Variants in OTULIN observed in about 807,000 individuals in gnomAD.
The protein encoded by OTULIN is OTU deubiquitinase with linear linkage specificity, also known as ubiquitin thioesterase otulin.
Under a neutral mutation model 39.6 loss-of-function variants are expected in OTULIN, and 15 were observed. That is an observed-to-expected ratio of 0.38 (90% CI 0.25 to 0.58). OTULIN has a LOEUF of 0.58. OTULIN is among the 20% of genes least tolerant of loss of function. The pLI is 0.66. For synonymous variants in OTULIN, 156 were observed against 170.3 expected, an observed-to-expected ratio of 0.92 and a Z score of 0.65; for missense variants, 319 against 445.9, an observed-to-expected ratio of 0.72 and a Z score of 2.56.
the OTULIN span, among the ~76,000 whole-genome samples, chr5:14,711,719 C>T: frequency 5.2e-3 from 789 of 152,316 alleles, 2 homozygotes; most frequent in African/African-American, 0.018. Flanking sequence ...GTACAGCATC[C>T]GTCAGTCACC....
the OTULIN span, among the ~76,000 whole-genome samples, chr5:14,713,961 A>G: frequency 6.6e-6 from 1 of 152,236 alleles, no homozygotes; most frequent in Admixed American, 6.5e-5. The surrounding 1 kb of genome is among the most constrained non-coding windows in gnomAD (Gnocchi z 4.4). Context: ...GCTCTTGTCC[A>G]GTCCTGTCCC....
chr5:14,711,949 A>G, the OTULIN span, among the ~76,000 whole-genome samples: 1 of 152,182 alleles, frequency 6.6e-6, no homozygotes, highest in Admixed American at 6.5e-5. Flanking sequence ...CTGTCTGCCA[A>G]CCCCGCTGGT....
chr5:14,680,030 G>A (rs27882), intron 3 of OTULIN, among the ~76,000 whole-genome samples: 143,834 of 152,316 alleles, frequency 0.94, 68,050 homozygotes, highest in African/African-American at 0.99. Context: ...TTATTGGCGT[G>A]ATTGTCTGTT....
chr5:14,700,361 G>A (rs1408999849), downstream of OTULIN, among the ~76,000 whole-genome samples: 1 of 152,192 alleles, frequency 6.6e-6, no homozygotes, highest in Non-Finnish European at 1.5e-5. Flanking sequence ...AAGACCAGAA[G>A]GTTACGGGAG....
At chr5:14,701,171 C>T (rs556979779), downstream of OTULIN, among the ~76,000 whole-genome samples, 8 of 152,316 alleles carry the variant, frequency 5.3e-5, no homozygotes, top group Admixed American at 2.0e-4. Context: ...TTCTTGTCCC[C>T]GGCTCAGGGC....
intron 3 of OTULIN, among the ~76,000 whole-genome samples, chr5:14,680,552 C>G (rs776803973): frequency 2.6e-5 from 4 of 152,170 alleles, no homozygotes; most frequent in Non-Finnish European, 5.9e-5. Context: ...GTGGGCAGTT[C>G]AGTCAGTCTC....
In OTULIN at chr5:14,697,638, G is replaced by A. The variant is rs780529204; in HGVS notation, c.*4590G>A. The A allele has an allele frequency of 5.9e-5, 9 of 152,164 alleles. No homozygotes were observed. The highest frequency in any genetic ancestry group is 1.0e-4 in the Non-Finnish European group (7 of 68,034). The allele number at this position is 152,164 out of a possible 1,614,324, so 9.4% of individuals were successfully genotyped here. The stretch of plus-strand genomic sequence containing the variant: ...TCAATACATCATTTATGATGTGTGT[G>A]TGGTCCCAGACCTCATGGCCACCAG... On this transcript the variant is annotated 3_prime_UTR_variant, in exon 7 of 7. Coordinates refer to ENST00000284274, the MANE Select transcript of OTULIN (RefSeq NM_138348.6).
the OTULIN span, among the ~76,000 whole-genome samples, chr5:14,712,553 G>A: frequency 2.0e-5 from 3 of 152,260 alleles, no homozygotes; most frequent in African/African-American, 7.2e-5. Flanking sequence ...TCGCATGTCT[G>A]CGGGTCATTC....
In OTULIN at chr5:14,680,424, C is replaced by T. The variant is rs142151733; in HGVS notation, c.325-1040C>T. On this transcript the variant is annotated intron_variant, in intron 3 of 6. Transcript: ENST00000284274. ...GGTGGTCTGCATTGCGTCCACCCCA[C>T]GATGAGGGTAACACTTCTTTCTTTC... Among the ~76,000 whole-genome samples, 195 of 152,306 alleles carry T rather than the reference C, an allele frequency of 1.3e-3. 1 individual carries two copies. The highest frequency in any genetic ancestry group is 4.2e-3 in the African/African-American group (176 of 41,560).
intron 4 of OTULIN, among the ~76,000 whole-genome samples, chr5:14,683,500 A>G (rs10214122): frequency 0.025 from 3,746 of 152,308 alleles, 136 homozygotes; most frequent in African/African-American, 0.085. Context: ...GAAGCAAACA[A>G]TGATTTCACT....
Position 14,693,055 on chromosome 5 carries a change from C to T in OTULIN, c.*7C>T, listed in dbSNP as rs759840186. On this transcript the variant is annotated 3_prime_UTR_variant, in exon 7 of 7. Coordinates refer to ENST00000284274, the MANE Select transcript of OTULIN (RefSeq NM_138348.6). ...TGAGGAGACCAGTCTATGAGAGACG[C>T]ATGCTCCTGACAGCCTGGCGACGTG... 1.3e-6 allele frequency: 2 copies of T among 1,599,432 alleles called. No homozygotes were observed. Among genetic ancestry groups the T allele is most frequent in the Non-Finnish European group, 1.7e-6 (2 of 1,170,282 alleles).
At chr5:14,679,693 T>C (rs1736196465) in intron 3 of OTULIN, among the ~76,000 whole-genome samples, 1 of 152,254 alleles carries the variant, frequency 6.6e-6, no homozygotes. Flanking sequence ...AGAAAATGAT[T>C]GCTCATCTTT....
At chr5:14,710,173 A>G in the OTULIN span, 1 of 152,252 alleles carries the variant, frequency 6.6e-6, no homozygotes, top group Non-Finnish European at 1.5e-5. Context: ...CCGCAGAGTT[A>G]TGACTAAGGA....
intron 5 of OTULIN, among the ~76,000 whole-genome samples, chr5:14,689,435 T>G (rs981787021): frequency 6.6e-6 from 1 of 152,260 alleles, no homozygotes; most frequent in African/African-American, 2.4e-5. Flanking sequence ...TTATAGGTTT[T>G]CTTTTTTAAA....
intron 3 of OTULIN, among the ~76,000 whole-genome samples, chr5:14,679,278 T>A (rs1454427078): frequency 6.6e-6 from 1 of 152,142 alleles, no homozygotes; most frequent in East Asian, 1.9e-4. Flanking sequence ...CATTGGAGAT[T>A]CATATGATGT....
the OTULIN span, chr5:14,706,862 T>TTTA: frequency 6.6e-6 from 1 of 152,212 alleles, no homozygotes; most frequent in Non-Finnish European, 1.5e-5. Context: ...GTGCTTTATA[T>TTTA]GAGAGCCATC....
In OTULIN at chr5:14,698,032, G is replaced by C. The variant is rs1736716919; in HGVS notation, c.*4984G>C. On this transcript the variant is annotated 3_prime_UTR_variant, in exon 7 of 7. Transcript: ENST00000284274. ...AACTGCAGCAATCCACAGTAATGTT[G>C]GTTACTTCTGAGTATTTGATAAAGG... 6.6e-6 allele frequency: 1 copy of C among 152,134 alleles called. No individual in the cohort carries two copies. Among genetic ancestry groups the C allele is most frequent in the South Asian group, 2.1e-4 (1 of 4,828 alleles). The allele number at this position is 152,134 out of a possible 1,614,324, so 9.4% of individuals were successfully genotyped here.
chr5:14,700,068 C>T (rs929812479), downstream of OTULIN, among the ~76,000 whole-genome samples: 6 of 152,196 alleles, frequency 3.9e-5, no homozygotes, highest in African/African-American at 9.7e-5. Flanking sequence ...GTCTGACTTG[C>T]GTTTCTTGAG....
the OTULIN span, chr5:14,713,763 CT>C: frequency 6.4e-7 from 1 of 1,566,852 alleles, no homozygotes; most frequent in Non-Finnish European, 8.7e-7. The surrounding 1 kb of genome is among the most constrained non-coding windows in gnomAD (Gnocchi z 4.4). Flanking sequence ...GAGCCAGGGG[CT>C]GCCTAGGACC....
Sources: gnomAD v4.1 joint callset for allele counts (sites outside exome capture counted in the v4.1 genomes callset) on GRCh38, gnomAD v4.1.1 for gene constraint, Gnocchi (gnomAD v3.1) non-coding constraint, MANE v1.5 for transcripts, NCBI Gene and HGNC (gene_info 2026-07-23, HGNC 2026-07-21) for gene names.